Variants in NTNG1 observed in about 807,000 individuals in gnomAD.
NTNG1 encodes netrin-G1.
A neutral mutation model predicts 54.0 loss-of-function variants in NTNG1; 16 were observed. The observed-to-expected ratio is 0.30, with a 90% confidence interval of 0.20 to 0.45. The LOEUF (loss-of-function observed/expected upper bound fraction) is 0.45, where lower values mean the gene tolerates loss of function less well. Among genes scored for constraint, NTNG1 ranks in the 20% least tolerant of loss-of-function variants. NTNG1 has a pLI of 1.00. For missense variants in NTNG1, 530 were observed against 678.7 expected (o/e 0.78, Z 2.43); for synonymous variants, 255 against 263.1 (o/e 0.97, Z 0.30).
intron 3 of NTNG1, among the ~76,000 whole-genome samples, chr1:107,357,634 C>T (rs1301648936): frequency 6.6e-6 from 1 of 152,078 alleles, no homozygotes; most frequent in Non-Finnish European, 1.5e-5. Flanking sequence ...AAGAGGACAG[C>T]TTGATTTTAA....
intron 2 of NTNG1, among the ~76,000 whole-genome samples, chr1:107,296,503 A>C (rs990496898): frequency 6.6e-6 from 1 of 151,264 alleles, no homozygotes; most frequent in South Asian, 2.1e-4. Flanking sequence ...ATTGGGGATT[A>C]TTTTTGATTT....
chr1:107,275,248 A>G (rs1664390301), intron 2 of NTNG1, among the ~76,000 whole-genome samples: 1 of 152,060 alleles, frequency 6.6e-6, no homozygotes, highest in African/African-American at 2.4e-5. Context: ...GTGGTGGCAG[A>G]TGCCTATAAC....
chr1:107,464,171 T>C (rs962530464), intron 7 of NTNG1, among the ~76,000 whole-genome samples: 2 of 152,234 alleles, frequency 1.3e-5, no homozygotes, highest in Non-Finnish European at 2.9e-5. Flanking sequence ...CTTGTGAATC[T>C]TTTCTTTCTT....
intron 2 of NTNG1, among the ~76,000 whole-genome samples, chr1:107,268,761 A>G (rs920075336): frequency 6.6e-6 from 1 of 152,134 alleles, no homozygotes; most frequent in Middle Eastern, 3.2e-3. Flanking sequence ...TCCTTCCCAA[A>G]ACCATTCTAG....
At chr1:107,183,752 T>A (rs1329716421) in intron 2 of NTNG1, among the ~76,000 whole-genome samples, 1 of 152,156 alleles carries the variant, frequency 6.6e-6, no homozygotes, top group Non-Finnish European at 1.5e-5. Flanking sequence ...TTTGAATGTC[T>A]CATACACATT....
intron 2 of NTNG1, among the ~76,000 whole-genome samples, chr1:107,306,515 C>A (rs1438846134): frequency 6.6e-6 from 1 of 152,170 alleles, no homozygotes; most frequent in Non-Finnish European, 1.5e-5. Flanking sequence ...CTTTGGGAGG[C>A]CAAGGCAGGC....
chr1:107,416,603 G>C (rs761376621), intron 5 of NTNG1, among the ~76,000 whole-genome samples: 1 of 151,832 alleles, frequency 6.6e-6, no homozygotes, highest in African/African-American at 2.4e-5. Context: ...CTAAAATACA[G>C]GCACAGACAA....
At chr1:107,343,477 A>G (rs1239850048) in intron 3 of NTNG1, among the ~76,000 whole-genome samples, 1 of 151,934 alleles carries the variant, frequency 6.6e-6, no homozygotes, top group African/African-American at 2.4e-5. Flanking sequence ...TTATTGGCCT[A>G]CTGCTATCTT....
At chr1:107,350,160 C>G (rs1368870033) in intron 3 of NTNG1, among the ~76,000 whole-genome samples, 3 of 152,054 alleles carry the variant, frequency 2.0e-5, no homozygotes, top group African/African-American at 7.2e-5. Flanking sequence ...GATAGAAGCT[C>G]TAAATGTCTA....
chr1:107,413,543 T>C (rs1673987593), intron 5 of NTNG1, among the ~76,000 whole-genome samples: 1 of 152,136 alleles, frequency 6.6e-6, no homozygotes, highest in African/African-American at 2.4e-5. Flanking sequence ...TAATTTTATC[T>C]CCACCAGATA....
In NTNG1 at chr1:107,163,413, T is replaced by G. The variant is rs148639703; in HGVS notation, c.246+14574T>G. Among the ~76,000 whole-genome samples, 187 of 152,110 alleles carry G rather than the reference T, an allele frequency of 1.2e-3. 2 individuals are homozygous for G. Among genetic ancestry groups the G allele is most frequent in the African/African-American group, 4.2e-3 (176 of 41,484 alleles). ...CAATAAATATTAATTATCTTTATCATTGTGATTATCATTTCTCTTGCTAAA... is the reference window on the plus strand; with the variant it reads ...CAATAAATATTAATTATCTTTATCAGTGTGATTATCATTTCTCTTGCTAAA... On this transcript the variant is annotated intron_variant, in intron 2 of 7. Coordinates refer to ENST00000370068, the MANE Select transcript of NTNG1 (RefSeq NM_001113226.3).
intron 2 of NTNG1, among the ~76,000 whole-genome samples, chr1:107,242,499 A>T (rs1360416625): frequency 6.6e-6 from 1 of 152,222 alleles, no homozygotes; most frequent in Non-Finnish European, 1.5e-5. Context: ...TAACAATTGC[A>T]GATTAGCCTC....
At chr1:107,362,076 C>A (rs1670335771) in intron 3 of NTNG1, among the ~76,000 whole-genome samples, 1 of 152,112 alleles carries the variant, frequency 6.6e-6, no homozygotes, top group Non-Finnish European at 1.5e-5. Context: ...TGCTCTTGTA[C>A]CACCATCACA....
At chr1:107,440,371 T>C (rs561210248) in intron 7 of NTNG1, among the ~76,000 whole-genome samples, 1 of 152,274 alleles carries the variant, frequency 6.6e-6, no homozygotes, top group South Asian at 2.1e-4. Flanking sequence ...TCTGGATTCG[T>C]AGAGACCAGG....
Position 107,356,615 on chromosome 1 carries a change from A to C in NTNG1, c.887+31693A>C, listed in dbSNP as rs187737858. 1.4e-3 allele frequency among the ~76,000 whole-genome samples: 210 copies of C among 152,204 alleles called. 1 individual carries two copies. The highest frequency in any genetic ancestry group is 4.7e-3 in the African/African-American group (197 of 41,540). ...GCCAGTCCTGTTGAATGAATTAACC[A>C]ATTTATAAGAATGATTTTTTTTTAA... On this transcript the variant is annotated intron_variant, in intron 3 of 7. Coordinates refer to ENST00000370068, the MANE Select transcript of NTNG1 (RefSeq NM_001113226.3).
chr1:107,463,549 C>A (rs1425222686), intron 7 of NTNG1, among the ~76,000 whole-genome samples: 1 of 149,410 alleles, frequency 6.7e-6, no homozygotes, highest in South Asian at 2.1e-4. Flanking sequence ...TTTTTTTTCA[C>A]TTGTTCCCAG....
At chr1:107,320,287 G>A (rs1404260055) in intron 2 of NTNG1, among the ~76,000 whole-genome samples, 2 of 151,980 alleles carry the variant, frequency 1.3e-5, no homozygotes, top group East Asian at 3.9e-4. Context: ...TGTTGCTTGT[G>A]GGACTTAAAT....
At chr1:107,400,552 T>C (rs1281471603) in intron 4 of NTNG1, among the ~76,000 whole-genome samples, 1 of 152,178 alleles carries the variant, frequency 6.6e-6, no homozygotes, top group Non-Finnish European at 1.5e-5. Context: ...CAGAGCAAGA[T>C]TTAAACTTAG....
At chr1:107,390,394 C>G (rs12406246) in intron 3 of NTNG1, among the ~76,000 whole-genome samples, 19 of 152,266 alleles carry the variant, frequency 1.2e-4, no homozygotes, top group Admixed American at 1.2e-3. Context: ...TTTTTTCTCT[C>G]CCCTGAGCTG....
Sources: gnomAD v4.1 joint callset for allele counts (sites outside exome capture counted in the v4.1 genomes callset) on GRCh38, gnomAD v4.1.1 for gene constraint, MANE v1.5 for transcripts, NCBI Gene and HGNC (gene_info 2026-07-23, HGNC 2026-07-21) for gene names.